Variants in TMCC2 observed in about 807,000 individuals in gnomAD.
TMCC2 encodes transmembrane and coiled-coil domain family 2.
Under a neutral mutation model 49.4 loss-of-function variants are expected in TMCC2, and 16 were observed. The observed-to-expected ratio is 0.32, with a 90% CI of 0.22 to 0.49. TMCC2 has a LOEUF of 0.49. Among genes scored for constraint, TMCC2 ranks in the 20% least tolerant of loss-of-function variants. TMCC2 has a pLI of 0.99. For synonymous variants in TMCC2, 397 were observed against 434.1 expected (o/e 0.91, Z 1.06); for missense variants, 762 against 989.8 (o/e 0.77, Z 3.09).
In TMCC2 at chr1:205,269,558, G is replaced by GC. The variant is rs1661494031; in HGVS notation, c.1361dup (p.Glu455Ter). The GC allele has an allele frequency of 6.2e-7, 1 of 1,613,714 alleles. No individual in the cohort carries two copies. The highest frequency in any genetic ancestry group is 8.5e-7 in the Non-Finnish European group (1 of 1,179,944). On this transcript the variant is annotated frameshift_variant, in exon 3 of 5. Coordinates refer to ENST00000358024, the MANE Select transcript of TMCC2 (RefSeq NM_014858.4). LOFTEE classifies it high-confidence loss of function. ...ACCTGAAGGACCCCCTGGAAGATGG[G>GC]CCCCCTGAGGAGGCAGCCCGGGCAC...
intron 2 of TMCC2, among the ~76,000 whole-genome samples, chr1:205,249,120 G>A (rs1260546442): frequency 6.6e-6 from 1 of 152,222 alleles, no homozygotes; most frequent in African/African-American, 2.4e-5. Flanking sequence ...CGTGCTGCAG[G>A]TGAAGTGAGG....
rs1038625575 is a variant in TMCC2 at position 205,256,434 on chromosome 1, G to A, written c.748-12516G>A. 6.5e-6 allele frequency: 10 copies of A among 1,550,388 alleles called. No homozygotes were observed. In the Admixed American group the frequency reaches 1.8e-4, roughly 27 times the overall value. ...AGACTGCTGTGAGTTTCCCATCTGT[G>A]CTTTATCTTGGGTGTTTTTGCCAGG... On this transcript the variant is annotated intron_variant, in intron 2 of 4. Transcript: ENST00000358024.
intron 2 of TMCC2, among the ~76,000 whole-genome samples, chr1:205,259,226 A>C (rs1040340168): frequency 2.0e-5 from 3 of 150,378 alleles, no homozygotes; most frequent in African/African-American, 7.4e-5. Context: ...GTGACCTTAT[A>C]TTGTCTTTCC....
chr1:205,251,533 T>C (rs1172153), intron 2 of TMCC2, among the ~76,000 whole-genome samples: 74,659 of 152,078 alleles, frequency 0.49, 20,456 homozygotes, highest in Non-Finnish European at 0.61. Flanking sequence ...AGAGCTAAAT[T>C]AGACCCAAGG....
chr1:205,237,473 G>C (rs1660099565), intron 1 of TMCC2, among the ~76,000 whole-genome samples: 1 of 152,206 alleles, frequency 6.6e-6, no homozygotes, highest in African/African-American at 2.4e-5. Context: ...AGGAGGAAGG[G>C]CTATGCAGTC....
rs1659958225 is a variant in TMCC2 at position 205,234,626 on chromosome 1, TAATCAGGAAAG to T, written c.207+5856_207+5866del. ...AGTGCAATCAGAAACTTATGGGGGT[TAATCAGGAAAG>T]TTGTTCTGCAAGAGGTGGGTTTAGA... On this transcript the variant is annotated intron_variant, in intron 1 of 4. Transcript: ENST00000358024. 2.0e-5 allele frequency among the ~76,000 whole-genome samples: 3 copies of T among 152,090 alleles called. No individual in the cohort carries two copies. The South Asian group carries it at 6.2e-4, about 32-fold the overall frequency.
Position 205,241,914 on chromosome 1 carries a change from G to C in TMCC2, c.617G>C (p.Ser206Thr). 1 of 1,610,192 alleles carries C rather than the reference G, an allele frequency of 6.2e-7. No individual in the cohort carries two copies. Among genetic ancestry groups the C allele is most frequent in the Non-Finnish European group, 8.5e-7 (1 of 1,179,448 alleles). ...CTGCGCAAGGCCCCCCAGGACAGCA[G>C]CCTGGCCGCCATCCTGCACCAGCAC... ...HLLRKAPQDS[S>T]LAAILHQHQC... Residue 206 changes from serine to threonine, a missense_variant, in exon 2 of 5, where the codon AGC (serine) becomes ACC (threonine). Transcript: ENST00000358024. This position sits in a 1 kb window ranked among gnomAD's most constrained non-coding sequence, Gnocchi z 7.3.
chr1:205,252,944 G>A (rs530160041), intron 2 of TMCC2, among the ~76,000 whole-genome samples: 6 of 151,262 alleles, frequency 4.0e-5, no homozygotes, highest in Admixed American at 4.0e-4. Context: ...AACATAGTGA[G>A]ACCTTGTCTC....
chr1:205,269,899 A>C lies in TMCC2; in HGVS notation c.1682+15A>C. 1 of 1,601,454 alleles carries C rather than the reference A, an allele frequency of 6.2e-7. No homozygotes were observed. On this transcript the variant is annotated intron_variant, in intron 3 of 4. Transcript: ENST00000358024. The stretch of plus-strand genomic sequence containing the variant: ...GAGCGCTACAGGTAGGTGCCTGCCC[A>C]CCCCCTCCTGCAGCCCAGCCGGACG...
chr1:205,272,179 C>T lies in TMCC2; in HGVS notation c.*55C>T. ...TGGCCCCCAGCTGGCCACACTTCTC[C>T]AGGAGGGACCCTTGGACTTCTTTGT... On this transcript the variant is annotated 3_prime_UTR_variant, in exon 5 of 5. Transcript: ENST00000358024. The T allele has an allele frequency of 6.3e-7, 1 of 1,579,750 alleles. No homozygotes were observed. The highest frequency in any genetic ancestry group is 8.6e-7 in the Non-Finnish European group (1 of 1,159,878).
rs1165047041 is a variant in TMCC2, at chr1:205,268,129, T to C, written c.748-821T>C. On this transcript the variant is annotated intron_variant, in intron 2 of 4. Transcript: ENST00000358024. ...CGCTGAGCTGCGTTGTTAGTGAACA[T>C]GGGGTGGCGAGGGCAGGCAGGCAGG... 3 of 969,146 alleles carry C rather than the reference T, an allele frequency of 3.1e-6. No individual in the cohort carries two copies. The East Asian group carries it at 3.4e-4, about 111-fold the overall frequency. The allele number at this position is 969,146 out of a possible 1,614,324, so 60.0% of individuals were successfully genotyped here. A position where few individuals can be genotyped will look rare whatever the true frequency, so the allele number is the denominator to read the frequency against.
chr1:205,256,348 C>T (rs927506387), intron 2 of TMCC2: 3 of 1,550,870 alleles, frequency 1.9e-6, no homozygotes, highest in Admixed American at 2.0e-5. Flanking sequence ...CTCTGTCCCC[C>T]TCTGCTGGCC....
intron 2 of TMCC2, among the ~76,000 whole-genome samples, chr1:205,257,652 A>G (rs1660933043): frequency 6.6e-6 from 1 of 152,208 alleles, no homozygotes; most frequent in African/African-American, 2.4e-5. Context: ...GTGGCACTTC[A>G]GCTGGGGCCC....
intron 2 of TMCC2, among the ~76,000 whole-genome samples, chr1:205,249,364 G>GC (rs949235506): frequency 3.6e-4 from 55 of 152,140 alleles, no homozygotes; most frequent in Non-Finnish European, 6.9e-4. Flanking sequence ...TGAGTGAGGG[G>GC]CCCCCCCAAC....
chr1:205,269,975 C>A, intron 3 of TMCC2, 91 bp downstream of exon 3: 2 of 1,305,468 alleles, frequency 1.5e-6, no homozygotes, highest in Non-Finnish European at 2.1e-6. Context: ...TGGAGGCAGT[C>A]AGAGGAGCAT....
chr1:205,261,196 CTTTTTTTTTTTT>C (rs34247734), intron 2 of TMCC2, among the ~76,000 whole-genome samples: 3 of 95,270 alleles, frequency 3.1e-5, no homozygotes, highest in Non-Finnish European at 6.1e-5. Context: ...CACTTATTTC[CTTTTTTTTTTTT>C]TTTTTTTTTT....
chr1:205,268,979 C>T lies in TMCC2; in HGVS notation c.777C>T (p.Ser259=), dbSNP rs1336970903. The change falls in exon 3 of 5, where the codon AGC becomes AGT. Residue 259 remains serine (S), a synonymous_variant. Coordinates refer to ENST00000358024, the MANE Select transcript of TMCC2 (RefSeq NM_014858.4). ...ATAAGGGAGACCTGGTGGCCCTGAG[C>T]CTCCCCGCCGGCCATGGTGACACCG... ...KVDKGDLVAL[S]LPAGHGDTDG... 5 of 1,612,946 alleles carry T rather than the reference C, an allele frequency of 3.1e-6. No homozygotes were observed. The highest frequency in any genetic ancestry group is 4.2e-6 in the Non-Finnish European group (5 of 1,179,804).
Position 205,269,424 on chromosome 1 carries a change from G to A in TMCC2, c.1222G>A (p.Gly408Ser). ...FGGGVVEGVK[G>S]SLSGLSQATH... ...GGGCGGCGTGGTGGAGGGCGTCAAGGGCAGCCTCTCTGGCCTCTCACAGGC... is the reference window on the plus strand; with the variant it reads ...GGGCGGCGTGGTGGAGGGCGTCAAGAGCAGCCTCTCTGGCCTCTCACAGGC... The change falls in exon 3 of 5, where the codon GGC becomes AGC. Residue 408 changes from glycine to serine, a missense_variant. Physicochemically the swap from Gly to Ser is moderately conservative, Grantham distance 56. This residue lies in a region of TMCC2 where 440 missense variants were observed against 636.7 expected (regional missense o/e 0.69). Coordinates refer to ENST00000358024, the MANE Select transcript of TMCC2 (RefSeq NM_014858.4). The A allele has an allele frequency of 6.2e-7, 1 of 1,606,482 alleles. No individual in the cohort carries two copies. The highest frequency in any genetic ancestry group is 8.5e-7 in the Non-Finnish European group (1 of 1,174,828).
intron 3 of TMCC2, among the ~76,000 whole-genome samples, chr1:205,270,439 C>T (rs1166564842): frequency 2.0e-5 from 3 of 152,222 alleles, no homozygotes; most frequent in African/African-American, 7.2e-5. Context: ...TGACATCTCT[C>T]GGCCTCTCCT....
Sources: allele counts gnomAD v4.1 joint callset (sites outside exome capture counted in the v4.1 genomes callset), GRCh38; gene constraint gnomAD v4.1.1; regional missense constraint gnomAD v4.1.1; non-coding constraint Gnocchi (gnomAD v3.1); transcripts MANE v1.5; gene names NCBI Gene and HGNC (gene_info 2026-07-23, HGNC 2026-07-21).